SPIRE1: variants seen among roughly 807,000 people sequenced by gnomAD.
SPIRE1 encodes protein spire homolog 1.
A neutral mutation model predicts 94.1 loss-of-function variants in SPIRE1; 40 were observed. The observed-to-expected ratio is 0.43, with a 90% CI of 0.33 to 0.55. The LOEUF is 0.55. SPIRE1 is among the 20% of genes least tolerant of loss of function. The pLI is 0.06. For missense variants in SPIRE1, 838 were observed against 975.2 expected (o/e 0.86, Z 1.87); for synonymous variants, 376 against 371.7 (o/e 1.01, Z -0.13).
At chr18:12,567,612 T>C (rs1183498294) in intron 2 of SPIRE1, among the ~76,000 whole-genome samples, 1 of 152,198 alleles carries the variant, frequency 6.6e-6, no homozygotes, top group East Asian at 1.9e-4. Context: ...ATTACTCCTT[T>C]TTCCCCAATA....
At chr18:12,578,403 A>C (rs1453462047) in intron 2 of SPIRE1, among the ~76,000 whole-genome samples, 1 of 152,220 alleles carries the variant, frequency 6.6e-6, no homozygotes, top group Non-Finnish European at 1.5e-5. Context: ...CACTCAACAC[A>C]GATGAATCTC....
rs960471551 is a variant in SPIRE1 at position 12,448,612 on chromosome 18, A to G, written c.*1026T>C. On this transcript the variant is annotated 3_prime_UTR_variant, in exon 17 of 17. Coordinates refer to ENST00000409402, the MANE Select transcript of SPIRE1 (RefSeq NM_001128626.2). This position sits in a 1 kb window ranked among gnomAD's most constrained non-coding sequence, Gnocchi z 4.4. ...GTTAATTTTCTTCTAACTTTAAAAG[A>G]AGTAGATATTTTTTCTTTTAAAATT... The G allele has an allele frequency of 1.3e-5, 2 of 152,186 alleles. No individual in the cohort carries two copies. The highest frequency in any genetic ancestry group is 2.9e-5 in the Non-Finnish European group (2 of 68,042). The allele number at this position is 152,186 out of a possible 1,614,324, so 9.4% of individuals were successfully genotyped here. A position where few individuals can be genotyped will look rare whatever the true frequency, so the allele number is the denominator to read the frequency against.
intron 4 of SPIRE1, among the ~76,000 whole-genome samples, chr18:12,530,584 G>A (rs1028281595): frequency 6.6e-6 from 1 of 152,080 alleles, no homozygotes; most frequent in African/African-American, 2.4e-5. Context: ...AAAGTGCTGG[G>A]ATTACAGAAG....
chr18:12,611,731 A>G (rs1192386587), intron 2 of SPIRE1, among the ~76,000 whole-genome samples: 1 of 152,068 alleles, frequency 6.6e-6, no homozygotes, highest in Non-Finnish European at 1.5e-5. Flanking sequence ...TGGCATGATC[A>G]TGGCTCACTC....
chr18:12,542,788 T>C (rs1307196729), intron 3 of SPIRE1, among the ~76,000 whole-genome samples: 1 of 152,202 alleles, frequency 6.6e-6, no homozygotes, highest in Non-Finnish European at 1.5e-5. Context: ...AAGACATTAT[T>C]ATTTTTTGCT....
upstream of SPIRE1, chr18:12,658,448 G>C: frequency 2.4e-6 from 1 of 415,836 alleles, no homozygotes; most frequent in Non-Finnish European, 5.0e-6. Context: ...GTCGGGGGGC[G>C]CAGGGGCAAG....
At chr18:12,641,620 G>A in intron 1 of SPIRE1, among the ~76,000 whole-genome samples, 1 of 151,920 alleles carries the variant, frequency 6.6e-6, no homozygotes, top group East Asian at 1.9e-4. Context: ...GCCCACCTCA[G>A]CCTCCCAAAG....
chr18:12,631,217 C>CT (rs895373543), intron 2 of SPIRE1, among the ~76,000 whole-genome samples: 7 of 151,670 alleles, frequency 4.6e-5, no homozygotes, highest in Admixed American at 3.3e-4. Context: ...GCCCAAAGAG[C>CT]TTTTTTTTAA....
At chr18:12,461,673 G>A (rs999577315) in intron 12 of SPIRE1, among the ~76,000 whole-genome samples, 3 of 150,452 alleles carry the variant, frequency 2.0e-5, no homozygotes, top group South Asian at 2.1e-4. Context: ...TGTCATCTAC[G>A]CTGGGGTGGA....
chr18:12,519,981 A>C (rs2034313336), intron 4 of SPIRE1, among the ~76,000 whole-genome samples: 1 of 152,206 alleles, frequency 6.6e-6, no homozygotes, highest in Non-Finnish European at 1.5e-5. Context: ...TAGGTTAAAA[A>C]TTATCCATGA....
At chr18:12,606,714 A>G (rs2144664690) in intron 2 of SPIRE1, among the ~76,000 whole-genome samples, 1 of 152,248 alleles carries the variant, frequency 6.6e-6, no homozygotes. Flanking sequence ...TACTTTTGGT[A>G]GAGACCGGGT....
At chr18:12,571,210 G>C (rs1174699697) in intron 2 of SPIRE1, among the ~76,000 whole-genome samples, 2 of 152,046 alleles carry the variant, frequency 1.3e-5, no homozygotes, top group Non-Finnish European at 2.9e-5. Flanking sequence ...GAGTAGCTGG[G>C]ATTACAGGTG....
intron 2 of SPIRE1, among the ~76,000 whole-genome samples, chr18:12,622,514 C>T (rs941005123): frequency 1.3e-5 from 2 of 151,284 alleles, no homozygotes; most frequent in South Asian, 2.1e-4. Flanking sequence ...GCTCCGCCTC[C>T]CCGGTTCACG....
At chr18:12,641,780 C>A (rs1034347810) in intron 1 of SPIRE1, among the ~76,000 whole-genome samples, 7 of 151,184 alleles carry the variant, frequency 4.6e-5, no homozygotes, top group African/African-American at 1.7e-4. Flanking sequence ...CAATTTCCCC[C>A]AACAAAATCA....
At chr18:12,630,785 T>C (rs1179154925) in intron 2 of SPIRE1, among the ~76,000 whole-genome samples, 1 of 152,178 alleles carries the variant, frequency 6.6e-6, no homozygotes, top group African/African-American at 2.4e-5. Context: ...CCTCTCTGAA[T>C]TCAGAAAGGC....
chr18:12,510,871 C>T (rs770400073), intron 5 of SPIRE1, among the ~76,000 whole-genome samples: 1 of 152,174 alleles, frequency 6.6e-6, no homozygotes, highest in Non-Finnish European at 1.5e-5. Flanking sequence ...CACTCCACAA[C>T]ATTCACTGTC....
rs2036713720 is a variant in SPIRE1, at chr18:12,597,612, AAATAATTTGCTGTATAGT to A, written c.372+37432_372+37449del. On this transcript the variant is annotated intron_variant, in intron 2 of 16. Transcript: ENST00000409402. ...GCTTCAAAGAAATGTTTGGAAGAAG[AAATAATTTGCTGTATAGT>A]AATAATTTGCTGAGAATTAAATACT... Among the ~76,000 whole-genome samples the A allele has an allele frequency of 3.3e-5, 5 of 152,342 alleles. No homozygotes were observed. In the South Asian group the frequency reaches 1.0e-3, roughly 32 times the overall value.
chr18:12,590,779 G>T (rs1413259795), intron 2 of SPIRE1, among the ~76,000 whole-genome samples: 1 of 152,138 alleles, frequency 6.6e-6, no homozygotes, highest in Non-Finnish European at 1.5e-5. Context: ...CAAGAAGGTT[G>T]GCAGGAGAGG....
At chr18:12,497,545 C>T (rs1013687638) in intron 6 of SPIRE1, among the ~76,000 whole-genome samples, 2 of 152,110 alleles carry the variant, frequency 1.3e-5, no homozygotes, top group Admixed American at 6.5e-5. Flanking sequence ...CTCTCCTCTT[C>T]CTCCCTATGC....
Sources: gnomAD v4.1 joint callset for allele counts (sites outside exome capture counted in the v4.1 genomes callset) on GRCh38, gnomAD v4.1.1 for gene constraint, Gnocchi (gnomAD v3.1) non-coding constraint, MANE v1.5 for transcripts, NCBI Gene and HGNC (gene_info 2026-07-23, HGNC 2026-07-21) for gene names.